SATB2: variants seen among roughly 807,000 people sequenced by gnomAD.
SATB2 encodes the protein SATB homeobox 2, also known as DNA-binding protein SATB2.
SATB2 carries 1 observed loss-of-function variant against 73.4 expected under a neutral mutation model. The observed-to-expected ratio is 0.01, with a 90% CI of 0.00 to 0.06. The LOEUF (loss-of-function observed/expected upper bound fraction) is 0.06. SATB2 is among the 10% of genes least tolerant of loss of function. The pLI is 1.00. For synonymous variants in SATB2, 397 were observed against 367.0 expected, an observed-to-expected ratio of 1.08 and a Z score of -0.93; for missense variants, 459 against 945.8, an observed-to-expected ratio of 0.49 and a Z score of 6.75.
At chr2:199,387,985 AAC>A (rs1381511901) in intron 3 of SATB2, among the ~76,000 whole-genome samples, 2 of 152,228 alleles carry the variant, frequency 1.3e-5, no homozygotes, top group African/African-American at 4.8e-5. Flanking sequence ...TCTCAAAGAA[AAC>A]AGTTACTATT....
At position 199,411,704 on chromosome 2, in the gene SATB2, G is replaced by A. The variant is rs570220524; in HGVS notation, c.346+21634C>T. The stretch of plus-strand genomic sequence containing the variant: ...GGTTATAGTGCAGTCTGGACTGTAT[G>A]GCAAGTCATAGGTGTGGACAGGACT... On this transcript the variant is annotated intron_variant, in intron 3 of 10. Transcript: ENST00000417098. Among the ~76,000 whole-genome samples the A allele has an allele frequency of 3.2e-4, 48 of 152,258 alleles. 1 individual carries two copies. Among genetic ancestry groups the A allele is most frequent in the African/African-American group, 1.1e-3 (47 of 41,556 alleles).
intron 3 of SATB2, among the ~76,000 whole-genome samples, chr2:199,425,888 C>T (rs1469635516): frequency 1.3e-5 from 2 of 152,124 alleles, no homozygotes; most frequent in African/African-American, 4.8e-5. Flanking sequence ...TGTGCACACA[C>T]ACATATGTAT....
intron 3 of SATB2, among the ~76,000 whole-genome samples, chr2:199,428,793 A>C (rs539681359): frequency 1.3e-4 from 20 of 152,286 alleles, no homozygotes; most frequent in African/African-American, 4.8e-4. Flanking sequence ...CCACTTTGGG[A>C]GGCTGAAGCA....
chr2:199,332,384 T>G (rs964165892), intron 7 of SATB2, among the ~76,000 whole-genome samples: 2 of 152,118 alleles, frequency 1.3e-5, no homozygotes, highest in African/African-American at 4.8e-5. Flanking sequence ...AAGAAGGAAG[T>G]TGGCCTTTTC....
At chr2:199,351,351 C>T (rs112224451) in intron 6 of SATB2, among the ~76,000 whole-genome samples, 2,715 of 152,002 alleles carry the variant, frequency 0.018, 83 homozygotes, top group African/African-American at 0.061. Context: ...TCAGTAGAGA[C>T]GGGGTTTCGC....
At chr2:199,443,189 A>G (rs1691870488) in intron 2 of SATB2, among the ~76,000 whole-genome samples, 1 of 152,102 alleles carries the variant, frequency 6.6e-6, no homozygotes, top group African/African-American at 2.4e-5. Context: ...TCCTTATACT[A>G]ACATTTACTT....
intron 3 of SATB2, among the ~76,000 whole-genome samples, chr2:199,430,894 A>G (rs1013441572): frequency 6.6e-6 from 1 of 152,226 alleles, no homozygotes; most frequent in Non-Finnish European, 1.5e-5. Context: ...GGTCACATCA[A>G]AATGAAAAAT....
chr2:199,286,267 AT>A (rs1442071806), intron 10 of SATB2, among the ~76,000 whole-genome samples: 1 of 152,212 alleles, frequency 6.6e-6, no homozygotes, highest in Non-Finnish European at 1.5e-5. Context: ...TCAAATAGCT[AT>A]GAAGAGAGTA....
chr2:199,352,418 A>T (rs1288161268), intron 6 of SATB2, among the ~76,000 whole-genome samples: 1 of 152,232 alleles, frequency 6.6e-6, no homozygotes, highest in Non-Finnish European at 1.5e-5. Flanking sequence ...ACCTATATGA[A>T]TTGGTGCAGT....
intron 10 of SATB2, among the ~76,000 whole-genome samples, chr2:199,293,519 T>G (rs1692934888): frequency 6.6e-6 from 1 of 152,126 alleles, no homozygotes; most frequent in African/African-American, 2.4e-5. Flanking sequence ...TTAATAATAT[T>G]TTTTAAATAA....
chr2:199,412,434 A>G (rs910495822), intron 3 of SATB2, among the ~76,000 whole-genome samples: 3 of 152,206 alleles, frequency 2.0e-5, no homozygotes, highest in African/African-American at 7.2e-5. Flanking sequence ...TGGAAGGAGC[A>G]AGGAGAGAGG....
chr2:199,328,606 G>A (rs1281356354), intron 8 of SATB2, 92 bp downstream of exon 8: 2 of 871,430 alleles, frequency 2.3e-6, no homozygotes, highest in Non-Finnish European at 3.8e-6. Context: ...CTTGAATTAT[G>A]TCTCTCAATG....
At chr2:199,359,684 G>A (rs1255431431) in intron 6 of SATB2, among the ~76,000 whole-genome samples, 1 of 152,216 alleles carries the variant, frequency 6.6e-6, no homozygotes, top group East Asian at 1.9e-4. Context: ...CTCTGGGGAG[G>A]ACAGAAAATG....
intron 10 of SATB2, among the ~76,000 whole-genome samples, chr2:199,289,471 T>C (rs1319793880): frequency 6.6e-6 from 1 of 152,176 alleles, no homozygotes; most frequent in Non-Finnish European, 1.5e-5. Context: ...CACAAGGCCA[T>C]TCAGCATCCT....
Position 199,349,189 on chromosome 2 carries a change from A to C in SATB2, c.701-16T>G, listed in dbSNP as rs1302731465. 1 of 1,558,122 alleles carries C rather than the reference A, an allele frequency of 6.4e-7. No homozygotes were observed. Among genetic ancestry groups the C allele is most frequent in the Non-Finnish European group, 8.8e-7 (1 of 1,134,036 alleles). On this transcript the variant is annotated splice_polypyrimidine_tract_variant and intron_variant, in intron 6 of 10. Coordinates refer to ENST00000417098, the MANE Select transcript of SATB2 (RefSeq NM_001172509.2). Reference sequence around the variant, plus strand: ...ACTCTTTCCACTGTTAAGAGATAAAAGTGATAATTAATCATTATTTTCATT... The same window carrying C: ...ACTCTTTCCACTGTTAAGAGATAAACGTGATAATTAATCATTATTTTCATT...
intron 3 of SATB2, among the ~76,000 whole-genome samples, chr2:199,417,918 C>G (rs1691042485): frequency 6.6e-6 from 1 of 152,194 alleles, no homozygotes; most frequent in Non-Finnish European, 1.5e-5. Context: ...AAGACCTAGT[C>G]TACCTATACC....
At chr2:199,456,861 G>C (rs1692292881) in intron 1 of SATB2, among the ~76,000 whole-genome samples, 1 of 150,860 alleles carries the variant, frequency 6.6e-6, no homozygotes, top group African/African-American at 2.4e-5. Context: ...TGCAAGAGCA[G>C]CCTTCATCCG....
At chr2:199,415,988 G>C (rs1486380895) in intron 3 of SATB2, among the ~76,000 whole-genome samples, 2 of 152,308 alleles carry the variant, frequency 1.3e-5, no homozygotes, top group Admixed American at 1.3e-4. Flanking sequence ...CCACTGCCAA[G>C]GGCCACAGGG....
intron 2 of SATB2, among the ~76,000 whole-genome samples, chr2:199,441,177 C>T (rs1691806997): frequency 6.6e-6 from 1 of 151,998 alleles, no homozygotes; most frequent in Non-Finnish European, 1.5e-5. Context: ...CAAACTGAGC[C>T]ATACATACAA....
Sources: gnomAD v4.1 joint callset for allele counts (sites outside exome capture counted in the v4.1 genomes callset) on GRCh38, gnomAD v4.1.1 for gene constraint, MANE v1.5 for transcripts, NCBI Gene and HGNC (gene_info 2026-07-23, HGNC 2026-07-21) for gene names.